FREM2: variants seen among roughly 807,000 people sequenced by gnomAD.
FREM2 encodes FRAS1 related extracellular matrix 2.
In FREM2, 119 loss-of-function variants were observed where a neutral mutation model predicts 219.9. The ratio of observed to expected loss-of-function variants is 0.54; its 90% CI spans 0.47 to 0.63. The LOEUF (loss-of-function observed/expected upper bound fraction) is 0.63. Ranked by LOEUF, FREM2 falls within the 30% of genes least tolerant of loss-of-function variation. The probability of loss-of-function intolerance (pLI) is 0.00; values close to 1 mark genes in which losing one functional copy is unlikely to be tolerated. For missense variants in FREM2, 4,030 were observed against 3,993.6 expected (o/e 1.01, Z -0.25); for synonymous variants, 1,562 against 1,522.8 (o/e 1.03, Z -0.60).
chr13:38,690,442 A>G lies in FREM2; in HGVS notation c.3098A>G (p.Asn1033Ser). The G allele has an allele frequency of 6.2e-7, 1 of 1,614,152 alleles. No individual in the cohort carries two copies. The highest frequency in any genetic ancestry group is 8.5e-7 in the Non-Finnish European group (1 of 1,180,028). The change falls in exon 1 of 24, where the codon AAC (asparagine) becomes AGC (serine). Residue 1033 changes from asparagine to serine, a missense_variant. Coordinates refer to ENST00000280481, the MANE Select transcript of FREM2 (RefSeq NM_207361.6). ...CTATTGCCTAAAGCGGATTCTTTTA[A>G]CCTGAGTCTGTCAGATATGTCTCAA... ...IGLLPKADSF[N>S]LSLSDMSQEW... is the part of the protein sequence containing the mutation.
chr13:38,759,688 C>T (rs1237315422), intron 2 of FREM2, among the ~76,000 whole-genome samples: 1 of 152,210 alleles, frequency 6.6e-6, no homozygotes, highest in Non-Finnish European at 1.5e-5. Context: ...GCTCCTCATG[C>T]ACCATAGATG....
At chr13:38,814,683 A>C (rs1027624964) in intron 6 of FREM2, among the ~76,000 whole-genome samples, 3 of 152,170 alleles carry the variant, frequency 2.0e-5, no homozygotes, top group Admixed American at 6.5e-5. Flanking sequence ...AAATGTGTCC[A>C]GGGATGCTGT....
At chr13:38,817,527 A>G (rs1481552558) in intron 6 of FREM2, among the ~76,000 whole-genome samples, 1 of 152,170 alleles carries the variant, frequency 6.6e-6, no homozygotes, top group African/African-American at 2.4e-5. Context: ...GAAGAATGAA[A>G]CTAGATCCCT....
intron 4 of FREM2, among the ~76,000 whole-genome samples, chr13:38,777,878 C>T (rs1873937105): frequency 6.6e-6 from 1 of 152,212 alleles, no homozygotes; most frequent in Admixed American, 6.5e-5. Flanking sequence ...AAACTTGATA[C>T]TGGGCCTATT....
Position 38,859,537 on chromosome 13 carries a change from G to A in FREM2, c.7466G>A (p.Gly2489Glu), listed in dbSNP as rs763883371. ...GCAGCTCGTGCTGTGAACACCAATG[G>A]GGATGAAGGCCTGGAGCTCATGAGC... is the stretch of plus-strand genomic sequence containing the variant. ...QCAARAVNTN[G>E]DEGLELMSPI... is the part of the protein sequence containing the mutation. Residue 2489 changes from glycine to glutamate, a missense_variant, in exon 14 of 24, where the codon GGG (glycine) becomes GAG (glutamate). This residue lies in a region of FREM2 where 928 missense variants were observed against 1,042.9 expected (regional missense o/e 0.89). Transcript: ENST00000280481. 1.2e-6 allele frequency: 2 copies of A among 1,613,920 alleles called. No individual in the cohort carries two copies. Among genetic ancestry groups the A allele is most frequent in the African/African-American group, 2.7e-5 (2 of 74,900 alleles).
chr13:38,831,759 A>T (rs910855152), intron 6 of FREM2, among the ~76,000 whole-genome samples: 8 of 146,366 alleles, frequency 5.5e-5, no homozygotes, highest in African/African-American at 1.8e-4. Flanking sequence ...ACAGGTGTGC[A>T]CCTCATGCCA....
intron 16 of FREM2, among the ~76,000 whole-genome samples, chr13:38,866,406 G>A (rs969414812): frequency 3.3e-5 from 5 of 152,094 alleles, no homozygotes; most frequent in South Asian, 4.1e-4. Flanking sequence ...GCTGAGGCAG[G>A]AGAATCACTT....
intron 2 of FREM2, among the ~76,000 whole-genome samples, chr13:38,746,114 G>A (rs951975465): frequency 1.3e-5 from 2 of 152,138 alleles, no homozygotes; most frequent in Non-Finnish European, 2.9e-5. Flanking sequence ...AACTCTTATA[G>A]TTGTATTCAT....
At chr13:38,784,491 T>G (rs1158662669) in intron 5 of FREM2, 66 bp from the exon 6 acceptor site, 8 of 1,572,036 alleles carry the variant, frequency 5.1e-6, no homozygotes, top group Admixed American at 1.7e-5. Flanking sequence ...ATGAAAATAA[T>G]TGTGTCTGGA....
intron 2 of FREM2, among the ~76,000 whole-genome samples, chr13:38,752,240 G>C (rs1428593039): frequency 6.6e-6 from 1 of 151,976 alleles, no homozygotes. Context: ...CTTTTTGACA[G>C]ATATCAATGA....
chr13:38,852,187 C>T (rs1877397243), intron 11 of FREM2, among the ~76,000 whole-genome samples: 1 of 152,110 alleles, frequency 6.6e-6, no homozygotes, highest in Non-Finnish European at 1.5e-5. Flanking sequence ...TCTATGTCCA[C>T]GTGTACACAT....
At chr13:38,808,223 G>A (rs919033514) in intron 6 of FREM2, among the ~76,000 whole-genome samples, 26 of 151,898 alleles carry the variant, frequency 1.7e-4, no homozygotes, top group South Asian at 2.1e-4. Context: ...GCCTTGCTCT[G>A]AATTAGGCTT....
intron 2 of FREM2, among the ~76,000 whole-genome samples, chr13:38,704,197 A>G (rs945417050): frequency 2.0e-5 from 3 of 152,192 alleles, no homozygotes; most frequent in African/African-American, 7.2e-5. Flanking sequence ...TTCTTTATCG[A>G]ATTACTCAAC....
intron 6 of FREM2, among the ~76,000 whole-genome samples, chr13:38,787,006 G>A (rs1022625390): frequency 6.6e-6 from 1 of 152,088 alleles, no homozygotes; most frequent in African/African-American, 2.4e-5. Flanking sequence ...CATTGGTATG[G>A]TCCTATCATA....
At position 38,690,172 on chromosome 13, in the gene FREM2, T is replaced by C; in HGVS notation, c.2828T>C (p.Leu943Pro). 1 of 1,614,134 alleles carries C rather than the reference T, an allele frequency of 6.2e-7. No individual in the cohort carries two copies. Among genetic ancestry groups the C allele is most frequent in the Non-Finnish European group, 8.5e-7 (1 of 1,179,990 alleles). Residue 943 changes from leucine (L) to proline (P), a missense_variant, in exon 1 of 24, where the codon CTG becomes CCG. By Grantham distance (98) the Leu-to-Pro change is moderately conservative (BLOSUM62 -3). This residue lies in a region of FREM2 where 3,102 missense variants were observed against 2,950.7 expected (regional missense o/e 1.05). Coordinates refer to ENST00000280481, the MANE Select transcript of FREM2 (RefSeq NM_207361.6). The part of the protein sequence containing the change: ...VRPVDDEVPI[L>P]SHPTGTLESY... ...CCAGTGGATGATGAAGTGCCCATAC[T>C]GAGCCATCCTACTGGCACTCTGGAG...
chr13:38,764,449 A>G lies in FREM2; in HGVS notation c.5409A>G (p.Ile1803Met), dbSNP rs377170304. 8 of 1,503,032 alleles carry G rather than the reference A, an allele frequency of 5.3e-6. No individual in the cohort carries two copies. In the East Asian group the frequency reaches 1.8e-4, roughly 34 times the overall value. 93.1% of individuals were successfully genotyped at this position (1,503,032 alleles called of 1,614,324 possible). The change falls in exon 3 of 24, where the codon ATA becomes ATG. Residue 1803 changes from isoleucine to methionine, a missense_variant and splice_region_variant. Coordinates refer to ENST00000280481, the MANE Select transcript of FREM2 (RefSeq NM_207361.6). The part of the protein sequence containing the change: ...RRGYLGETSF[I>M]SIGTRDRTAE... ...GTTACTTGGGAGAAACTTCTTTTAT[A>G]AGTAAGTTTAATTTTTTATTTCTGT...
chr13:38,801,507 G>A (rs573804253), intron 6 of FREM2, among the ~76,000 whole-genome samples: 4 of 152,120 alleles, frequency 2.6e-5, no homozygotes, highest in South Asian at 2.1e-4. Flanking sequence ...TTTTATTGAC[G>A]ATCTATATAT....
At chr13:38,799,916 A>G (rs571742084) in intron 6 of FREM2, among the ~76,000 whole-genome samples, 4 of 152,172 alleles carry the variant, frequency 2.6e-5, no homozygotes, top group Admixed American at 1.3e-4. Context: ...GTTTTTCTTT[A>G]TCCATTCAGC....
intron 6 of FREM2, among the ~76,000 whole-genome samples, chr13:38,805,811 A>T (rs1875203315): frequency 6.6e-6 from 1 of 151,918 alleles, no homozygotes; most frequent in Non-Finnish European, 1.5e-5. Flanking sequence ...AAAATTGTGA[A>T]AATGTGCGGT....
Sources: gnomAD v4.1 joint callset for allele counts (sites outside exome capture counted in the v4.1 genomes callset) on GRCh38, gnomAD v4.1.1 for gene constraint, gnomAD v4.1.1 regional missense constraint, MANE v1.5 for transcripts, NCBI Gene and HGNC (gene_info 2026-07-23, HGNC 2026-07-21) for gene names.